Variants in PDXDC1 observed in about 807,000 individuals in gnomAD.
PDXDC1 encodes the protein pyridoxal-dependent decarboxylase domain-containing protein 1.
A neutral mutation model predicts 100.1 loss-of-function variants in PDXDC1; 42 were observed. That is an observed-to-expected ratio of 0.42 (90% CI 0.33 to 0.54). The LOEUF is 0.54. PDXDC1 is among the 20% of genes least tolerant of loss of function. PDXDC1 has a pLI of 0.10. For missense variants in PDXDC1, 636 were observed against 979.2 expected (o/e 0.65, Z 4.68); for synonymous variants, 260 against 371.7 (o/e 0.70, Z 3.46).
At chr16:15,032,352 C>A in intron 17 of PDXDC1, 1 of 176,394 alleles carries the variant, frequency 5.7e-6, no homozygotes. Flanking sequence ...TTGTATGGAA[C>A]TAAAGACTTA....
intron 16 of PDXDC1, among the ~76,000 whole-genome samples, chr16:15,055,380 G>T (rs1453870054): frequency 6.6e-6 from 1 of 152,198 alleles, no homozygotes. Flanking sequence ...CTACGCCCCG[G>T]GGGTAGGGGA....
chr16:15,080,178 A>C, intron 16 of PDXDC1: 1 of 1,474,922 alleles, frequency 6.8e-7, no homozygotes, highest in Non-Finnish European at 9.0e-7. Flanking sequence ...CAATTACATG[A>C]CCTTTAGTTT....
intron 3 of PDXDC1, among the ~76,000 whole-genome samples, chr16:15,000,291 C>T (rs1437378457): frequency 2.6e-5 from 4 of 152,402 alleles, no homozygotes; most frequent in Admixed American, 2.6e-4. Flanking sequence ...TAGTAACATG[C>T]CAGGCACAGC....
intron 16 of PDXDC1, among the ~76,000 whole-genome samples, chr16:15,049,730 T>C (rs1305024594): frequency 6.6e-6 from 1 of 152,128 alleles, no homozygotes; most frequent in African/African-American, 2.4e-5. Flanking sequence ...CAGCCCCCTG[T>C]GTAATTTGTA....
At chr16:15,040,823 C>T (rs886295474), downstream of PDXDC1, among the ~76,000 whole-genome samples, 3 of 152,136 alleles carry the variant, frequency 2.0e-5, no homozygotes, top group Non-Finnish European at 4.4e-5. Flanking sequence ...ATGGCCTGTC[C>T]TTTCTATTTG....
chr16:15,025,657 A>G (rs1465022985), intron 13 of PDXDC1: 9 of 152,384 alleles, frequency 5.9e-5, no homozygotes, highest in African/African-American at 2.2e-4. Context: ...TTGCGGCCCT[A>G]CCAGTGAGTC....
chr16:15,075,615 T>C (rs1426235835), intron 16 of PDXDC1, among the ~76,000 whole-genome samples: 3 of 151,968 alleles, frequency 2.0e-5, no homozygotes, highest in East Asian at 1.9e-4. Context: ...TGCAGACACC[T>C]TTCCAGGCAG....
chr16:15,092,001 A>C (rs372618087), intron 16 of PDXDC1, among the ~76,000 whole-genome samples: 1 of 151,990 alleles, frequency 6.6e-6, no homozygotes, highest in South Asian at 2.1e-4. Context: ...ACATGGTGAA[A>C]CCCTGCCTCT....
chr16:15,003,438 A>G (rs560712612), intron 4 of PDXDC1, among the ~76,000 whole-genome samples: 61 of 152,240 alleles, frequency 4.0e-4, no homozygotes, highest in East Asian at 2.9e-3. Flanking sequence ...GGATGGTCTC[A>G]ATCTCCTGAC....
chr16:15,085,556 G>A, intron 16 of PDXDC1: 4 of 1,568,380 alleles, frequency 2.6e-6, no homozygotes, highest in Non-Finnish European at 3.5e-6. Context: ...GGCCTCAAGT[G>A]ATCCTCCCGT....
At position 14,975,047 on chromosome 16, in the gene PDXDC1, A is replaced by G; in HGVS notation, c.-153A>G. The G allele has an allele frequency of 6.6e-7, 1 of 1,521,346 alleles. No homozygotes were observed. Among genetic ancestry groups the G allele is most frequent in the South Asian group, 1.2e-5 (1 of 82,928 alleles). 94.2% of individuals were successfully genotyped at this position (1,521,346 alleles called of 1,614,324 possible). A position where few individuals can be genotyped will look rare whatever the true frequency, so the allele number is the denominator to read the frequency against. The stretch of plus-strand genomic sequence containing the variant: ...CCGCCTCTCAACCATCAGGTTCGGC[A>G]GCCCGCGGCGCCGCCTGGCAGCTCC... On this transcript the variant is annotated 5_prime_UTR_variant, in exon 1 of 23. Coordinates refer to ENST00000396410, the MANE Select transcript of PDXDC1 (RefSeq NM_015027.4).
At chr16:15,080,104 A>G (rs1200272773) in intron 16 of PDXDC1, 29 of 1,591,340 alleles carry the variant, frequency 1.8e-5, no homozygotes, top group Non-Finnish European at 2.5e-5. Flanking sequence ...TTCCTAAAGG[A>G]GAAAATGTAA....
intron 16 of PDXDC1, among the ~76,000 whole-genome samples, chr16:15,069,857 T>A (rs980935026): frequency 3.9e-5 from 6 of 152,178 alleles, no homozygotes; most frequent in Admixed American, 6.5e-5. Flanking sequence ...CTCAAATCCA[T>A]CTTAAGGGGT....
At chr16:15,136,165 G>A in intron 16 of PDXDC1, 1 of 1,036,728 alleles carries the variant, frequency 9.6e-7, no homozygotes, top group Non-Finnish European at 1.4e-6. Flanking sequence ...GGGGGCTCAG[G>A]GCACTCCTCC....
chr16:15,091,773 C>T (rs183782362), intron 16 of PDXDC1, among the ~76,000 whole-genome samples: 2 of 152,304 alleles, frequency 1.3e-5, no homozygotes, highest in East Asian at 3.9e-4. Flanking sequence ...CATTTTCCCT[C>T]TACTGCTGAG....
At position 15,068,729 on chromosome 16, in the gene PDXDC1, T is replaced by TC. The variant is rs1362868251; in HGVS notation, c.1399+38673_1399+38674insC. Among the ~76,000 whole-genome samples, 12 of 152,300 alleles carry TC rather than the reference T, an allele frequency of 7.9e-5. No individual in the cohort carries two copies. The East Asian group carries it at 2.3e-3, about 29-fold the overall frequency. ...AGGTGCACAGTAGTCATCTGTAGTT[T>TC]TTTTTCTAAACAAGAAAACTCCAAA... On this transcript the variant is annotated intron_variant, in intron 16 of 16. Coordinates refer to the PDXDC1 transcript ENST00000535621.
chr16:14,978,540 C>T (rs1258847904), intron 1 of PDXDC1, among the ~76,000 whole-genome samples: 4 of 152,282 alleles, frequency 2.6e-5, no homozygotes, highest in Admixed American at 6.5e-5. Context: ...CAGGCACTCA[C>T]CCCCACACTG....
rs749251646 is a variant in PDXDC1, at chr16:15,035,452, C to G, written c.2006C>G (p.Ser669Cys). The change falls in exon 22 of 23, where the codon TCT (serine) becomes TGT (cysteine). Residue 669 changes from serine (S) to cysteine (C), a missense_variant. By Grantham distance (112) the Ser-to-Cys change is moderately radical. Transcript: ENST00000396410. ...CCAGCCCTCTCCTCTCCCGCAGGCTCTCTGGAGTCCACAGAACCCATATAT... is the reference window on the plus strand; with the variant it reads ...CCAGCCCTCTCCTCTCCCGCAGGCTGTCTGGAGTCCACAGAACCCATATAT... ...KGRTFNLTAG[S>C]LESTEPIYVY... is the part of the protein sequence containing the mutation. The G allele has an allele frequency of 2.5e-6, 4 of 1,602,798 alleles. No homozygotes were observed. The South Asian group carries it at 3.3e-5, about 13-fold the overall frequency.
rs57542228 is a variant in PDXDC1 at position 15,032,668 on chromosome 16, A to AAAAAAAAAAAAAAAG, written c.1572-192_1572-191insAAAAAAAAAAAAAGA. The AAAAAAAAAAAAAAAG allele has an allele frequency of 5.6e-3, 2,139 of 379,106 alleles. 109 individuals carry two copies. The highest frequency in any genetic ancestry group is 0.012 in the East Asian group (207 of 17,114). 23.5% of individuals were successfully genotyped at this position (379,106 alleles called of 1,614,324 possible). A position where few individuals can be genotyped will look rare whatever the true frequency, so the allele number is the denominator to read the frequency against. ...GACCCTGCTTTAAAAAAAAAAAAAAAAGGCTTTCCTGTGACTTTCTCTTTA... is the reference window on the plus strand; with the variant it reads ...GACCCTGCTTTAAAAAAAAAAAAAAAAAAAAAAAAAAAAAGAGGCTTTCCTGTGACTTTCTCTTTA... On this transcript the variant is annotated intron_variant, in intron 17 of 22. Coordinates refer to ENST00000396410, the MANE Select transcript of PDXDC1 (RefSeq NM_015027.4).
Sources: gnomAD v4.1 joint callset for allele counts (sites outside exome capture counted in the v4.1 genomes callset) on GRCh38, gnomAD v4.1.1 for gene constraint, MANE v1.5 for transcripts, NCBI Gene and HGNC (gene_info 2026-07-23, HGNC 2026-07-21) for gene names.